The following MLIP variants were observed in gnomAD, a reference collection of about 807,000 sequenced individuals.
MLIP encodes muscular LMNA-interacting protein.
MLIP carries 79 observed loss-of-function variants against 84.8 expected under a neutral mutation model. That is an observed-to-expected ratio of 0.93 (90% CI 0.78 to 1.12). MLIP has a LOEUF of 1.12. Among genes scored for constraint, MLIP ranks in the 50% most tolerant of loss-of-function variants. The pLI is 0.00. For missense variants in MLIP, 1,257 were observed against 1,160.6 expected, an observed-to-expected ratio of 1.08 and a Z score of -1.21; for synonymous variants, 504 against 463.0, an observed-to-expected ratio of 1.09 and a Z score of -1.14.
At chr6:54,222,301 C>A (rs1473196352) in intron 11 of MLIP, among the ~76,000 whole-genome samples, 1 of 151,950 alleles carries the variant, frequency 6.6e-6, no homozygotes, top group Non-Finnish European at 1.5e-5. Flanking sequence ...TATTGCCATT[C>A]ATTAGATCTC....
At chr6:54,044,825 T>C (rs1157652426) in intron 1 of MLIP, among the ~76,000 whole-genome samples, 3 of 152,176 alleles carry the variant, frequency 2.0e-5, no homozygotes, top group African/African-American at 4.8e-5. Flanking sequence ...AACTAAGAGC[T>C]CTTGCTTGAA....
At chr6:54,172,550 C>A (rs1582383883) in intron 9 of MLIP, among the ~76,000 whole-genome samples, 1 of 151,442 alleles carries the variant, frequency 6.6e-6, no homozygotes, top group South Asian at 2.1e-4. Flanking sequence ...GCCAGAGAAC[C>A]CATTGATGTT....
intron 10 of MLIP, among the ~76,000 whole-genome samples, chr6:54,193,640 G>C (rs1778097259): frequency 6.6e-6 from 1 of 152,138 alleles, no homozygotes. Context: ...TACCTCCTGT[G>C]TCTGACTCTG....
chr6:54,067,202 T>C (rs1301667580), intron 1 of MLIP, among the ~76,000 whole-genome samples: 2 of 101,040 alleles, frequency 2.0e-5, no homozygotes, highest in Non-Finnish European at 2.8e-5. Flanking sequence ...CTATCACGAA[T>C]TTTAAAATTC....
At chr6:54,196,307 C>T (rs1778291181) in intron 10 of MLIP, among the ~76,000 whole-genome samples, 1 of 152,082 alleles carries the variant, frequency 6.6e-6, no homozygotes, top group Non-Finnish European at 1.5e-5. Flanking sequence ...GTATTAAGCC[C>T]AGCATGAATT....
chr6:54,140,434 A>G (rs1772193386), intron 4 of MLIP, among the ~76,000 whole-genome samples: 1 of 152,220 alleles, frequency 6.6e-6, no homozygotes, highest in Admixed American at 6.5e-5. Flanking sequence ...AGTAAAGAAA[A>G]TTCAAAGAAA....
At chr6:54,197,536 C>T (rs1778384136) in intron 10 of MLIP, among the ~76,000 whole-genome samples, 1 of 152,098 alleles carries the variant, frequency 6.6e-6, no homozygotes, top group Non-Finnish European at 1.5e-5. Flanking sequence ...GTTCTCAGTA[C>T]ATTCATGAAT....
chr6:54,074,439 T>C (rs1268844221), intron 1 of MLIP, among the ~76,000 whole-genome samples: 1 of 152,184 alleles, frequency 6.6e-6, no homozygotes, highest in African/African-American at 2.4e-5. Flanking sequence ...ATATTCTCCT[T>C]TTAAAAAACG....
intron 9 of MLIP, among the ~76,000 whole-genome samples, chr6:54,172,487 A>G (rs1454360380): frequency 1.3e-5 from 2 of 151,650 alleles, no homozygotes; most frequent in Non-Finnish European, 3.0e-5. Flanking sequence ...GATAGTAAAC[A>G]GTTAAAATAG....
chr6:54,123,141 T>C (rs1333146332), intron 2 of MLIP, among the ~76,000 whole-genome samples: 1 of 149,480 alleles, frequency 6.7e-6, no homozygotes, highest in African/African-American at 2.5e-5. Context: ...TTAACCTTGT[T>C]AGCCAGGATG....
At chr6:54,027,386 CACACACACACACACA>C (rs914965844) in intron 1 of MLIP, among the ~76,000 whole-genome samples, 5 of 16,976 alleles carry the variant, frequency 2.9e-4, no homozygotes, top group Non-Finnish European at 1.0e-3. Flanking sequence ...CACACACACA[CACACACACACACACA>C]CACACACACA....
At chr6:54,108,543 G>T (rs1432919878), upstream of MLIP, among the ~76,000 whole-genome samples, 2 of 152,106 alleles carry the variant, frequency 1.3e-5, no homozygotes, top group Admixed American at 1.3e-4. Context: ...TATAATGCAT[G>T]ACCATTTATG....
intron 8 of MLIP, among the ~76,000 whole-genome samples, chr6:54,162,868 C>T (rs1774795575): frequency 1.3e-5 from 2 of 151,820 alleles, no homozygotes; most frequent in Admixed American, 1.3e-4. Context: ...TTCCAAGGAA[C>T]ATAACATCAC....
At chr6:54,262,077 A>C (rs1203297942) in intron 13 of MLIP, among the ~76,000 whole-genome samples, 1 of 151,996 alleles carries the variant, frequency 6.6e-6, no homozygotes, top group Non-Finnish European at 1.5e-5. Flanking sequence ...GAGCAGGGAA[A>C]TAATAAAGGA....
intron 9 of MLIP, among the ~76,000 whole-genome samples, chr6:54,182,952 TTAGA>T (rs1219489748): frequency 2.0e-5 from 3 of 152,200 alleles, no homozygotes; most frequent in Non-Finnish European, 2.9e-5. Context: ...TTATTAAATA[TTAGA>T]TAGCATACAG....
At chr6:54,019,200 T>C in intron 1 of MLIP, 1 of 1,093,990 alleles carries the variant, frequency 9.1e-7, no homozygotes, top group Middle Eastern at 2.0e-4. Flanking sequence ...TTTCCATGTT[T>C]TGCTGGTCAA....
intron 1 of MLIP, among the ~76,000 whole-genome samples, chr6:54,075,948 C>A (rs896034411): frequency 1.3e-5 from 2 of 152,184 alleles, no homozygotes; most frequent in Non-Finnish European, 2.9e-5. Context: ...ATGTATGTTT[C>A]ATCATTACGG....
At chr6:54,199,569 T>A (rs1778531905) in intron 10 of MLIP, among the ~76,000 whole-genome samples, 1 of 152,096 alleles carries the variant, frequency 6.6e-6, no homozygotes. Flanking sequence ...AGATGACTTG[T>A]TAGTATACCA....
intron 12 of MLIP, among the ~76,000 whole-genome samples, 179 bp downstream of exon 12, chr6:54,231,096 A>G (rs1780969407): frequency 6.6e-6 from 1 of 152,136 alleles, no homozygotes; most frequent in Non-Finnish European, 1.5e-5. Flanking sequence ...GCAGATAATA[A>G]TTGAACTTGG....
Sources: allele counts gnomAD v4.1 joint callset (sites outside exome capture counted in the v4.1 genomes callset), GRCh38; gene constraint gnomAD v4.1.1; transcripts MANE v1.5; gene names NCBI Gene and HGNC (gene_info 2026-07-23, HGNC 2026-07-21).